MGAM: variants seen among roughly 807,000 people sequenced by gnomAD.
MGAM encodes alpha-1,4-glucosidase.
In MGAM, 253 loss-of-function variants were observed where a neutral mutation model predicts 358.8. The ratio of observed to expected loss-of-function variants is 0.71; its 90% CI spans 0.64 to 0.78. MGAM has a LOEUF of 0.78. Among genes scored for constraint, MGAM ranks in the 30% least tolerant of loss-of-function variants. The probability of loss-of-function intolerance (pLI) is 0.00; values close to 1 mark genes in which losing one functional copy is unlikely to be tolerated. For missense variants in MGAM, 3,080 were observed against 3,432.6 expected (o/e 0.90, Z 2.57); for synonymous variants, 1,105 against 1,227.1 (o/e 0.90, Z 2.08).
rs1811952761 is a variant in MGAM at position 142,059,941 on chromosome 7, A to G, written c.4034A>G (p.Asn1345Ser). The change falls in exon 33 of 71, where the codon AAT becomes AGT. Residue 1345 changes from asparagine to serine, a missense_variant. By Grantham distance (46) the Asn-to-Ser change is conservative. Around this residue, in one of 5 missense-constraint regions of MGAM, gnomAD observed 1,816 missense variants for 1,840.5 expected, o/e 0.99. Coordinates refer to ENST00000475668, the MANE Select transcript of MGAM (RefSeq NM_001365693.1). ...VEDDVFIKYP[N>S]DGDIVWGKVW... ...GATGACGTCTTCATCAAATACCCAA[A>G]TGATGGAGACATTGTCTGGGGAAAG... The G allele has an allele frequency of 1.2e-6, 2 of 1,608,110 alleles. No homozygotes were observed. Among genetic ancestry groups the G allele is most frequent in the Admixed American group, 1.7e-5 (1 of 59,274 alleles).
intron 57 of MGAM, among the ~76,000 whole-genome samples, chr7:142,089,000 C>A (rs12535150): frequency 1.9e-4 from 9 of 48,378 alleles, no homozygotes; most frequent in African/African-American, 9.9e-4. Flanking sequence ...ATGTATGTAT[C>A]TATCTATCTA....
Position 142,078,397 on chromosome 7 carries a change from A to T in MGAM, c.5573A>T (p.Glu1858Val), listed in dbSNP as rs750013457. 86 of 1,534,038 alleles carry T rather than the reference A, an allele frequency of 5.6e-5. 10 individuals carry two copies. The South Asian group carries it at 1.0e-3, about 18-fold the overall frequency. Residue 1858 changes from glutamate to valine, a missense_variant, in exon 48 of 71, where the codon GAA becomes GTA. Physicochemically the swap from Glu to Val is moderately radical, Grantham distance 121 (BLOSUM62 -2). Transcript: ENST00000475668. ...VEWSIKIRDE[E>V]KIDCYPDENG... ...TGGAGCATAAAGATAAGGGATGAAG[A>T]AAAAATAGACTGTTACCCTGATGAG...
chr7:142,079,087 C>T, intron 49 of MGAM, 79 bp downstream of exon 49: 2 of 1,244,030 alleles, frequency 1.6e-6, no homozygotes, highest in Non-Finnish European at 2.3e-6. Flanking sequence ...GTCACACAAC[C>T]CTAAAATAAG....
At chr7:142,062,052 A>T (rs1812254584) in intron 34 of MGAM, among the ~76,000 whole-genome samples, 1 of 152,182 alleles carries the variant, frequency 6.6e-6, no homozygotes, top group Non-Finnish European at 1.5e-5. Context: ...ACACAGCTGT[A>T]GTTGTCATGT....
intron 3 of MGAM, among the ~76,000 whole-genome samples, chr7:142,018,008 C>G (rs1477699736): frequency 6.6e-6 from 1 of 152,136 alleles, no homozygotes; most frequent in Non-Finnish European, 1.5e-5. Context: ...AAAGGTAATT[C>G]ATCTGTAAAA....
intron 21 of MGAM, among the ~76,000 whole-genome samples, chr7:142,043,061 T>C (rs1809255893): frequency 1.3e-5 from 1 of 75,584 alleles, no homozygotes; most frequent in South Asian, 4.0e-4. Context: ...CTATATTATA[T>C]ATACATATAA....
chr7:142,063,989 G>A (rs773771149), intron 36 of MGAM, among the ~76,000 whole-genome samples: 43 of 152,146 alleles, frequency 2.8e-4, no homozygotes, highest in Non-Finnish European at 5.4e-4. Context: ...TCCAGAAATT[G>A]TTCTCTCTAG....
chr7:142,011,651 A>G (rs955243317), intron 3 of MGAM, among the ~76,000 whole-genome samples: 13 of 152,162 alleles, frequency 8.5e-5, no homozygotes, highest in Non-Finnish European at 1.2e-4. Flanking sequence ...TTCTAAGTAA[A>G]ATGAGACAGT....
intron 21 of MGAM, among the ~76,000 whole-genome samples, chr7:142,042,769 A>G (rs1157658346): frequency 1.3e-5 from 1 of 78,992 alleles, no homozygotes; most frequent in African/African-American, 5.1e-5. Flanking sequence ...TATTATATAT[A>G]CATATATCTA....
In MGAM at chr7:142,034,270, G is replaced by A. The variant is rs535382832; in HGVS notation, c.1678G>A (p.Asp560Asn). ...NNPPFTPRIL[D>N]GYLFCKTLCM... ...TCCTGCTTTTGTTTCAGGAATCCTGGATGGGTACCTGTTCTGCAAGACTCT... is the reference window on the plus strand; with the variant it reads ...TCCTGCTTTTGTTTCAGGAATCCTGAATGGGTACCTGTTCTGCAAGACTCT... Residue 560 changes from aspartate to asparagine, a missense_variant, in exon 15 of 71, where the codon GAT becomes AAT. This residue lies in a region of MGAM where 1,816 missense variants were observed against 1,840.5 expected (regional missense o/e 0.99). Transcript: ENST00000475668. The A allele has an allele frequency of 5.0e-5, 79 of 1,588,794 alleles. No individual in the cohort carries two copies. The Admixed American group carries it at 7.8e-4, about 16-fold the overall frequency.
chr7:141,996,113 A>G (rs1804207821), intron 1 of MGAM, among the ~76,000 whole-genome samples, 183 bp downstream of exon 1: 1 of 152,012 alleles, frequency 6.6e-6, no homozygotes, highest in African/African-American at 2.4e-5. Flanking sequence ...GATCGAGACC[A>G]TGGTGAAACC....
chr7:142,088,396 C>A (rs956188791), intron 57 of MGAM, among the ~76,000 whole-genome samples: 3 of 144,976 alleles, frequency 2.1e-5, no homozygotes, highest in Non-Finnish European at 4.7e-5. Flanking sequence ...TACTACTGAA[C>A]AAGTATCTAT....
intron 42 of MGAM, among the ~76,000 whole-genome samples, chr7:142,067,977 T>TAA (rs1812975883): frequency 3.4e-4 from 2 of 5,964 alleles, no homozygotes; most frequent in South Asian, 0.019. Flanking sequence ...TATATATATA[T>TAA]ATATATATAT....
chr7:142,013,909 T>C (rs1159391803), intron 3 of MGAM, among the ~76,000 whole-genome samples: 1 of 152,210 alleles, frequency 6.6e-6, no homozygotes, highest in Admixed American at 6.5e-5. Context: ...TTTTTCTCTA[T>C]TTCCTAGGCT....
rs896758465 is a variant in MGAM, at chr7:142,082,823, G to A, written c.6268+252G>A. Among the ~76,000 whole-genome samples, 113 of 146,228 alleles carry A rather than the reference G, an allele frequency of 7.7e-4. 4 individuals carry two copies. The highest frequency in any genetic ancestry group is 2.4e-3 in the African/African-American group (101 of 41,226). On this transcript the variant is annotated intron_variant, in intron 52 of 70. Coordinates refer to ENST00000475668, the MANE Select transcript of MGAM (RefSeq NM_001365693.1). ...TAGTAAAACCACATGGGTCCCAAAT[G>A]TCTTGGAGGTCAGCTCGTGAGAGCC...
chr7:142,030,127 G>T (rs1229770604), intron 10 of MGAM: 2 of 467,156 alleles, frequency 4.3e-6, no homozygotes, highest in South Asian at 2.4e-5. Context: ...GGCAAGGATT[G>T]GATGATGCAG....
chr7:142,100,721 T>C (rs997480666), intron 67 of MGAM, 81 bp from the exon 68 acceptor site: 66 of 1,231,146 alleles, frequency 5.4e-5, no homozygotes, highest in Admixed American at 7.9e-5. Context: ...TTCCCTTTGC[T>C]GCTTTATGTT....
At chr7:142,063,657 A>G (rs1296860863) in intron 36 of MGAM, 71 bp downstream of exon 36, 9 of 1,532,058 alleles carry the variant, frequency 5.9e-6, no homozygotes, top group Non-Finnish European at 7.1e-6. Context: ...GCCCGAGGCC[A>G]GGGGCAGCCC....
rs1311312702 is a variant in MGAM, at chr7:142,067,867, A to G, written c.5004+442A>G. ...TACAGGAGCTCCTCCCAGCAGTAAA[A>G]GCCATTTCTTTACTTCTGTTGTTGA... On this transcript the variant is annotated intron_variant, in intron 42 of 70. Transcript: ENST00000475668. Among the ~76,000 whole-genome samples the G allele has an allele frequency of 1.6e-5, 2 of 122,944 alleles. 1 individual carries two copies. The highest frequency in any genetic ancestry group is 3.7e-5 in the Non-Finnish European group (2 of 53,996). 80.7% of individuals were successfully genotyped at this position (122,944 alleles called of 152,430 possible).
Sources: gnomAD v4.1 joint callset for allele counts (sites outside exome capture counted in the v4.1 genomes callset) on GRCh38, gnomAD v4.1.1 for gene constraint, gnomAD v4.1.1 regional missense constraint, MANE v1.5 for transcripts, NCBI Gene and HGNC (gene_info 2026-07-23, HGNC 2026-07-21) for gene names.